Variants in OPCML observed in about 807,000 individuals in gnomAD.
OPCML encodes opioid binding protein/cell adhesion molecule like.
In OPCML, 13 loss-of-function variants were observed where a neutral mutation model predicts 37.8. The observed-to-expected ratio is 0.34, with a 90% CI of 0.22 to 0.55. The LOEUF is 0.55. OPCML is among the 20% of genes least tolerant of loss of function. OPCML has a pLI of 0.91. For synonymous variants in OPCML, 176 were observed against 168.8 expected (o/e 1.04, Z -0.33); for missense variants, 341 against 435.6 (o/e 0.78, Z 1.93).
chr11:132,713,780 C>T (rs1041235850), intron 2 of OPCML, among the ~76,000 whole-genome samples: 5 of 152,216 alleles, frequency 3.3e-5, no homozygotes, highest in Non-Finnish European at 5.9e-5. Flanking sequence ...ATTTTGGGTA[C>T]GTTCTCCACC....
intron 2 of OPCML, among the ~76,000 whole-genome samples, chr11:132,722,821 G>A (rs1003110842): frequency 1.3e-5 from 2 of 152,168 alleles, no homozygotes; most frequent in Non-Finnish European, 2.9e-5. Context: ...AGCGAAAGGT[G>A]AAGTTTTAAC....
intron 1 of OPCML, chr11:133,006,191 T>C: frequency 1.1e-6 from 1 of 880,654 alleles, no homozygotes; most frequent in Non-Finnish European, 1.4e-6. Context: ...TCGCGCCATC[T>C]GTAGTAGGGA....
intron 1 of OPCML, among the ~76,000 whole-genome samples, chr11:133,261,953 C>T (rs1941508655): frequency 6.6e-6 from 1 of 152,170 alleles, no homozygotes; most frequent in Admixed American, 6.5e-5. Context: ...TTCTTGATCT[C>T]ATCCGGGCAC....
intron 1 of OPCML, among the ~76,000 whole-genome samples, chr11:133,375,825 C>A (rs1049033927): frequency 1.5e-4 from 23 of 152,138 alleles, no homozygotes; most frequent in African/African-American, 5.1e-4. Context: ...GCAGGGTGGG[C>A]ACACAGAAGT....
chr11:133,074,676 C>T (rs1229386203), intron 1 of OPCML, among the ~76,000 whole-genome samples: 3 of 152,094 alleles, frequency 2.0e-5, no homozygotes, highest in Non-Finnish European at 4.4e-5. Context: ...GTTCACAGGT[C>T]GTGAGCAGCA....
At chr11:132,703,753 C>T (rs1943922920) in intron 2 of OPCML, among the ~76,000 whole-genome samples, 2 of 152,078 alleles carry the variant, frequency 1.3e-5, no homozygotes, top group African/African-American at 4.8e-5. Flanking sequence ...AACTTGGGTC[C>T]ATGTGAGTAG....
intron 1 of OPCML, among the ~76,000 whole-genome samples, chr11:133,347,510 T>C (rs1406906107): frequency 1.3e-5 from 2 of 152,182 alleles, no homozygotes; most frequent in African/African-American, 2.4e-5. Context: ...CAAAGGCTCT[T>C]AGGGAAGTGT....
chr11:132,736,999 A>G (rs1945282031), intron 2 of OPCML, among the ~76,000 whole-genome samples: 2 of 152,240 alleles, frequency 1.3e-5, no homozygotes, highest in South Asian at 4.1e-4. Context: ...TGGAATAGGA[A>G]TGATGAAAGT....
chr11:133,457,255 G>C (rs967192304), intron 1 of OPCML, among the ~76,000 whole-genome samples: 2 of 152,138 alleles, frequency 1.3e-5, no homozygotes, highest in African/African-American at 4.8e-5. Context: ...AATCTAGGTT[G>C]GGTACAGTGG....
chr11:133,249,910 G>C (rs934476319), intron 1 of OPCML, among the ~76,000 whole-genome samples: 1 of 152,204 alleles, frequency 6.6e-6, no homozygotes, highest in African/African-American at 2.4e-5. Context: ...TGGACGATGG[G>C]AGAAGCTAGA....
chr11:132,874,808 A>T (rs2136406549), intron 2 of OPCML, among the ~76,000 whole-genome samples: 1 of 152,270 alleles, frequency 6.6e-6, no homozygotes, highest in South Asian at 2.1e-4. Context: ...GGAGCAGGCA[A>T]GAAATCCAAG....
At chr11:133,087,875 G>A (rs1285005998) in intron 1 of OPCML, among the ~76,000 whole-genome samples, 2 of 152,144 alleles carry the variant, frequency 1.3e-5, no homozygotes, top group East Asian at 1.9e-4. Context: ...TCTGTAAAAC[G>A]GGCACTCAGC....
At chr11:132,497,238 C>CGGAGTGG (rs980522995) in intron 4 of OPCML, among the ~76,000 whole-genome samples, 6 of 151,740 alleles carry the variant, frequency 4.0e-5, no homozygotes, top group Non-Finnish European at 5.9e-5. Context: ...TGGGGCCTGT[C>CGGAGTGG]GGAGTGGGGA....
In OPCML at chr11:132,687,369, C is replaced by CATATAT. The variant is rs56834972; in HGVS notation, c.147-30056_147-30051dup. 4.5e-4 allele frequency among the ~76,000 whole-genome samples: 22 copies of CATATAT among 49,422 alleles called. 1 individual carries two copies. The highest frequency in any genetic ancestry group is 7.7e-4 in the Non-Finnish European group (15 of 19,402). The allele number at this position is 49,422 out of a possible 152,430, so 32.4% of individuals were successfully genotyped here. A position where few individuals can be genotyped will look rare whatever the true frequency, so the allele number is the denominator to read the frequency against. ...ATATAAACTGCTCTGCCTTAAGCTA[C>CATATAT]ATATATATATATATATATATATATA... On this transcript the variant is annotated intron_variant, in intron 2 of 7. Transcript: ENST00000524381.
At chr11:133,390,166 A>C (rs538639815) in intron 1 of OPCML, among the ~76,000 whole-genome samples, 1 of 152,196 alleles carries the variant, frequency 6.6e-6, no homozygotes, top group Admixed American at 6.5e-5. Context: ...TAACGTTAAG[A>C]GGTAGCTACA....
intron 1 of OPCML, chr11:133,421,667 C>A: frequency 1.0e-6 from 1 of 985,188 alleles, no homozygotes. Flanking sequence ...TCTAAATGAA[C>A]CCTTTATTTA....
intron 1 of OPCML, 89 bp downstream of exon 1, chr11:133,532,175 C>T (rs1948620345): frequency 6.4e-7 from 1 of 1,552,780 alleles, no homozygotes; most frequent in African/African-American, 1.4e-5. Flanking sequence ...ACCCCTTCCT[C>T]CTTGCCTCTC....
intron 4 of OPCML, among the ~76,000 whole-genome samples, chr11:132,486,678 T>C (rs2096200866): frequency 6.6e-6 from 1 of 152,130 alleles, no homozygotes; most frequent in Admixed American, 6.5e-5. Flanking sequence ...TTTTCTTTAT[T>C]CCTTTCTTTC....
intron 3 of OPCML, among the ~76,000 whole-genome samples, chr11:132,566,629 T>C (rs1328597655): frequency 6.6e-6 from 1 of 152,236 alleles, no homozygotes; most frequent in Admixed American, 6.5e-5. Flanking sequence ...GGTATTGTGA[T>C]AATTTTGGGT....
Sources: allele counts gnomAD v4.1 joint callset (sites outside exome capture counted in the v4.1 genomes callset), GRCh38; gene constraint gnomAD v4.1.1; transcripts MANE v1.5; gene names NCBI Gene and HGNC (gene_info 2026-07-23, HGNC 2026-07-21).